The following OR51B5 variants were observed in gnomAD, a reference collection of about 807,000 sequenced individuals.
The protein encoded by OR51B5 is olfactory receptor family 51 subfamily B member 5, also known as olfactory receptor 51B5.
For missense variants in OR51B5, 456 were observed against 374.6 expected (o/e 1.22, Z -1.79); for synonymous variants, 186 against 144.8 (o/e 1.28, Z -2.04).
intron 1 of OR51B5, chr11:5,355,007 A>T (rs1019683314): frequency 5.6e-5 from 9 of 160,530 alleles, no homozygotes; most frequent in Non-Finnish European, 9.6e-5. Context: ...CTCTGGGAGG[A>T]TATCCACAAA....
chr11:5,489,824 A>C, intron 1 of OR51B5: 1 of 613,830 alleles, frequency 1.6e-6, no homozygotes, highest in Non-Finnish European at 2.9e-6. Context: ...CAATTATCAC[A>C]CTGAACATAC....
At chr11:5,357,820 A>G (rs1691698632) in intron 1 of OR51B5, among the ~76,000 whole-genome samples, 2 of 151,508 alleles carry the variant, frequency 1.3e-5, no homozygotes, top group Admixed American at 1.3e-4. Context: ...TCAAACTAGA[A>G]CTCAGGATTA....
intron 1 of OR51B5, chr11:5,403,205 C>G (rs774360993): frequency 1.7e-5 from 8 of 471,184 alleles, no homozygotes; most frequent in South Asian, 1.2e-4. Flanking sequence ...ATGGGATTTT[C>G]ATTGTTACCT....
intron 1 of OR51B5, among the ~76,000 whole-genome samples, chr11:5,396,341 C>T (rs1197499273): frequency 6.6e-6 from 1 of 152,176 alleles, no homozygotes; most frequent in Non-Finnish European, 1.5e-5. Context: ...AGCCCAAAAT[C>T]CCCTTAAGCT....
chr11:5,410,207 T>C (rs1244818019), intron 1 of OR51B5, among the ~76,000 whole-genome samples: 3 of 152,058 alleles, frequency 2.0e-5, no homozygotes, highest in African/African-American at 7.2e-5. Flanking sequence ...AAAAGGTAAA[T>C]ATGTAGAAGA....
intron 1 of OR51B5, among the ~76,000 whole-genome samples, chr11:5,497,267 A>G (rs1277992157): frequency 2.0e-5 from 3 of 152,192 alleles, no homozygotes; most frequent in Non-Finnish European, 4.4e-5. Flanking sequence ...TCTACTAAAA[A>G]TACAAAAATT....
At chr11:5,477,856 G>A (rs1296894335) in intron 1 of OR51B5, among the ~76,000 whole-genome samples, 1 of 152,138 alleles carries the variant, frequency 6.6e-6, no homozygotes, top group Admixed American at 6.5e-5. Context: ...GGCTCGGAGG[G>A]TCCTACGCCC....
downstream of OR51B5, chr11:5,341,065 T>G (rs1848884994): frequency 6.6e-6 from 1 of 152,202 alleles, no homozygotes; most frequent in Non-Finnish European, 1.5e-5. Flanking sequence ...TCTTTCACAA[T>G]TACATCTCTT....
intron 1 of OR51B5, among the ~76,000 whole-genome samples, chr11:5,402,017 T>C (rs1344437596): frequency 6.6e-6 from 1 of 151,518 alleles, no homozygotes; most frequent in Non-Finnish European, 1.5e-5. Flanking sequence ...CTTTCTTTTC[T>C]TTTCTCTTCC....
In OR51B5 at chr11:5,366,078, G is replaced by A. The variant is rs76902187; in HGVS notation, n.85-19168C>T. 3.9e-3 allele frequency among the ~76,000 whole-genome samples: 595 copies of A among 152,186 alleles called. 2 individuals carry two copies. Among genetic ancestry groups the A allele is most frequent in the African/African-American group, 0.01 (425 of 41,528 alleles). ...ATGTTTGGGGGCTGTTAATGGAAGA[G>A]TTGCTGAGGGGTATGCTTACTTGTC... On this transcript the variant is annotated intron_variant and non_coding_transcript_variant, in intron 1 of 4. Transcript: ENST00000415970.
At chr11:5,352,193 G>A in intron 1 of OR51B5, 1 of 1,614,124 alleles carries the variant, frequency 6.2e-7, no homozygotes. Context: ...ATTGGTTCTG[G>A]AGGAGAAAGG....
At chr11:5,466,833 G>C (rs907756198) in intron 1 of OR51B5, among the ~76,000 whole-genome samples, 2 of 152,212 alleles carry the variant, frequency 1.3e-5, no homozygotes, top group African/African-American at 4.8e-5. Flanking sequence ...GTCTGGTCCA[G>C]GAGGACATTC....
At chr11:5,373,398 C>G (rs1849473044) in intron 1 of OR51B5, among the ~76,000 whole-genome samples, 1 of 152,168 alleles carries the variant, frequency 6.6e-6, no homozygotes, top group African/African-American at 2.4e-5. Flanking sequence ...CCAGCGTGAA[C>G]AACACAGAAG....
chr11:5,420,634 G>A (rs1850319394), intron 1 of OR51B5, among the ~76,000 whole-genome samples: 1 of 141,574 alleles, frequency 7.1e-6, no homozygotes, highest in Non-Finnish European at 1.6e-5. Context: ...TGTGATTCTT[G>A]TCTATTGCTG....
chr11:5,465,066 C>T (rs191673146), intron 1 of OR51B5, among the ~76,000 whole-genome samples: 6,260 of 151,420 alleles, frequency 0.041, 454 homozygotes, highest in African/African-American at 0.14. Context: ...ATTGTCCGGG[C>T]GTAGTGGCGG....
intron 1 of OR51B5, among the ~76,000 whole-genome samples, chr11:5,426,503 C>T (rs2647567): frequency 0.14 from 20,864 of 151,924 alleles, 1,583 homozygotes; most frequent in East Asian, 0.24. Flanking sequence ...AGTTGCTGAC[C>T]TAAGTAACTT....
chr11:5,368,553 A>G (rs1849408265), intron 1 of OR51B5, among the ~76,000 whole-genome samples: 1 of 152,220 alleles, frequency 6.6e-6, no homozygotes, highest in African/African-American at 2.4e-5. Context: ...GCTCTGACAA[A>G]GAAAATAAAA....
At chr11:5,493,172 C>T (rs574859627) in intron 1 of OR51B5, among the ~76,000 whole-genome samples, 2 of 152,156 alleles carry the variant, frequency 1.3e-5, no homozygotes, top group Non-Finnish European at 1.5e-5. Flanking sequence ...GCCAAGGCCT[C>T]GAGTCCTTGT....
chr11:5,368,225 T>C (rs1366656110), intron 1 of OR51B5, among the ~76,000 whole-genome samples: 2 of 152,226 alleles, frequency 1.3e-5, no homozygotes, highest in South Asian at 2.1e-4. Context: ...TGCTTCTTCA[T>C]ACAGTCTTAT....
Sources: allele counts gnomAD v4.1 joint callset (sites outside exome capture counted in the v4.1 genomes callset), GRCh38; gene constraint gnomAD v4.1.1; transcripts MANE v1.5; gene names NCBI Gene and HGNC (gene_info 2026-07-23, HGNC 2026-07-21).